Variants in POM121L12 observed in about 807,000 individuals in gnomAD.
The protein encoded by POM121L12 is POM121-like protein 12.
For missense variants in POM121L12, 553 were observed against 409.2 expected, an observed-to-expected ratio of 1.35 and a Z score of -3.03; for synonymous variants, 251 against 179.2, an observed-to-expected ratio of 1.40 and a Z score of -3.20.
chr7:53,035,891 A>C lies in POM121L12; in HGVS notation c.220A>C (p.Ser74Arg). The change falls in exon 1 of 1, where the codon AGC becomes CGC. Residue 74 changes from serine to arginine, a missense_variant. By Grantham distance (110) the Ser-to-Arg change is moderately radical. Transcript: ENST00000408890. ...CTTCCAGTGGGGGCGCCCGGTGCCC[A>C]GCACCCACCTCATCGAGGTGCGGCC... is the stretch of plus-strand genomic sequence containing the variant. ...QYFQWGRPVP[S>R]THLIEVRPTQ... The C allele has an allele frequency of 6.2e-7, 1 of 1,613,202 alleles. No homozygotes were observed. Among genetic ancestry groups the C allele is most frequent in the Non-Finnish European group, 8.5e-7 (1 of 1,179,802 alleles).
Position 53,036,120 on chromosome 7 carries a change from C to T in POM121L12, c.449C>T (p.Pro150Leu). 3 of 1,611,454 alleles carry T rather than the reference C, an allele frequency of 1.9e-6. No homozygotes were observed. The highest frequency in any genetic ancestry group is 2.5e-6 in the Non-Finnish European group (3 of 1,179,624). Residue 150 changes from proline to leucine, a missense_variant, in exon 1 of 1, where the codon CCC becomes CTC. Physicochemically the swap from Pro to Leu is moderately conservative, Grantham distance 98. Transcript: ENST00000408890. ...GCGCCCCCTGAGCGTCAGGAGAGCC[C>T]CTGGAGATCCCCTGGACAGAGAGCC... ...GIAPPERQES[P>L]WRSPGQRARP...
chr7:53,035,987 A>G lies in POM121L12; in HGVS notation c.316A>G (p.Thr106Ala). Residue 106 changes from threonine to alanine, a missense_variant, in exon 1 of 1, where the codon ACC (threonine) becomes GCC (alanine). Physicochemically the swap from Thr to Ala is moderately conservative, Grantham distance 58 (BLOSUM62 0). Transcript: ENST00000408890. ...GAGGCGCCCTGCCCTTCCCGGGGAG[A>G]CCGCTCTGGGGCGAGACCTCTCCTG... ...GWRRPALPGE[T>A]ALGRDLSCAW... is the part of the protein sequence containing the mutation. 6.2e-7 allele frequency: 1 copy of G among 1,612,580 alleles called. No individual in the cohort carries two copies. The highest frequency in any genetic ancestry group is 8.5e-7 in the Non-Finnish European group (1 of 1,179,554).
Position 53,036,330 on chromosome 7 carries a change from T to C in POM121L12, c.659T>C (p.Leu220Pro). ...LQPRPSAFKP[L>P]SKNGAVASFV... ...CCCCGGCCCTCTGCCTTCAAGCCCC[T>C]GAGCAAAAATGGAGCGGTTGCTTCC... The change falls in exon 1 of 1, where the codon CTG becomes CCG. Residue 220 changes from leucine (L) to proline (P), a missense_variant. Transcript: ENST00000408890. 1 of 1,613,972 alleles carries C rather than the reference T, an allele frequency of 6.2e-7. No homozygotes were observed. Among genetic ancestry groups the C allele is most frequent in the Non-Finnish European group, 8.5e-7 (1 of 1,179,982 alleles).
At position 53,036,145 on chromosome 7, in the gene POM121L12, C is replaced by A. The variant is rs1391743637; in HGVS notation, c.474C>A (p.Ala158=). ...ESPWRSPGQR[A]RPAGRPAAQE... ...CCTGGAGATCCCCTGGACAGAGAGC[C>A]CGCCCCGCAGGCCGCCCCGCCGCCC... Residue 158 remains alanine (A), a synonymous_variant, in exon 1 of 1, where the codon GCC becomes GCA. Coordinates refer to ENST00000408890, the MANE Select transcript of POM121L12 (RefSeq NM_182595.4). 1 of 1,610,590 alleles carries A rather than the reference C, an allele frequency of 6.2e-7. No homozygotes were observed. The highest frequency in any genetic ancestry group is 1.3e-5 in the African/African-American group (1 of 74,762).
In POM121L12 at chr7:53,036,869, T is replaced by C; in HGVS notation, c.*307T>C. 1 of 378,794 alleles carries C rather than the reference T, an allele frequency of 2.6e-6. No individual in the cohort carries two copies. Among genetic ancestry groups the C allele is most frequent in the Non-Finnish European group, 4.9e-6 (1 of 202,766 alleles). The allele number at this position is 378,794 out of a possible 1,614,324, so 23.5% of individuals were successfully genotyped here. A position where few individuals can be genotyped will look rare whatever the true frequency, so the allele number is the denominator to read the frequency against. On this transcript the variant is annotated 3_prime_UTR_variant, in exon 1 of 1. Transcript: ENST00000408890. ...TCTCCATGTCTCCCAGTTTGTATAG[T>C]TAAATTGTCCAGTTGTATAGTTAAA...
In POM121L12 at chr7:53,036,715, C is replaced by T; in HGVS notation, c.*153C>T. ...TCGTCTGCCCGCCCCCAGATCTTCC[C>T]TCTGTGCTCCCTGCCACCCCAGCAG... is the stretch of plus-strand genomic sequence containing the variant. On this transcript the variant is annotated 3_prime_UTR_variant, in exon 1 of 1. Coordinates refer to ENST00000408890, the MANE Select transcript of POM121L12 (RefSeq NM_182595.4). 1 of 801,844 alleles carries T rather than the reference C, an allele frequency of 1.2e-6. No homozygotes were observed. 49.7% of individuals were successfully genotyped at this position (801,844 alleles called of 1,614,324 possible). A position where few individuals can be genotyped will look rare whatever the true frequency, so the allele number is the denominator to read the frequency against.
Position 53,036,326 on chromosome 7 carries a change from C to T in POM121L12, c.655C>T (p.Pro219Ser). The part of the protein sequence containing the change: ...NLQPRPSAFK[P>S]LSKNGAVASF... ...GCAGCCCCGGCCCTCTGCCTTCAAG[C>T]CCCTGAGCAAAAATGGAGCGGTTGC... The change falls in exon 1 of 1, where the codon CCC (proline) becomes TCC (serine). Residue 219 changes from proline (P) to serine (S), a missense_variant. Coordinates refer to ENST00000408890, the MANE Select transcript of POM121L12 (RefSeq NM_182595.4). 6.2e-7 allele frequency: 1 copy of T among 1,614,062 alleles called. No homozygotes were observed. Among genetic ancestry groups the T allele is most frequent in the East Asian group, 2.2e-5 (1 of 44,854 alleles).
Position 53,036,237 on chromosome 7 carries a change from G to C in POM121L12, c.566G>C (p.Ser189Thr), listed in dbSNP as rs764320205. Residue 189 changes from serine (S) to threonine (T), a missense_variant, in exon 1 of 1, where the codon AGC (serine) becomes ACC (threonine). Transcript: ENST00000408890. ...LGALSQCPKGSARFDGPLWFE... is the reference protein window; with the variant it reads ...LGALSQCPKGTARFDGPLWFE... The stretch of plus-strand genomic sequence containing the variant: ...GCGCTCAGCCAGTGCCCCAAGGGAA[G>C]CGCTAGGTTCGACGGGCCGTTGTGG... The C allele has an allele frequency of 1.9e-5, 30 of 1,613,770 alleles. No individual in the cohort carries two copies. The highest frequency in any genetic ancestry group is 2.5e-5 in the Non-Finnish European group (29 of 1,179,956).
At position 53,036,327 on chromosome 7, in the gene POM121L12, C is replaced by G. The variant is rs202028880; in HGVS notation, c.656C>G (p.Pro219Arg). Residue 219 changes from proline (P) to arginine (R), a missense_variant, in exon 1 of 1, where the codon CCC becomes CGC. Coordinates refer to ENST00000408890, the MANE Select transcript of POM121L12 (RefSeq NM_182595.4). ...CAGCCCCGGCCCTCTGCCTTCAAGC[C>G]CCTGAGCAAAAATGGAGCGGTTGCT... The part of the protein sequence containing the change: ...NLQPRPSAFK[P>R]LSKNGAVASF... The G allele has an allele frequency of 4.7e-5, 76 of 1,614,062 alleles. No homozygotes were observed. The highest frequency in any genetic ancestry group is 6.7e-5 in the Admixed American group (4 of 60,028).
rs780329329 is a variant in POM121L12 at position 53,035,981 on chromosome 7, G to A, written c.310G>A (p.Gly104Arg). 1.2e-6 allele frequency: 2 copies of A among 1,612,384 alleles called. No individual in the cohort carries two copies. The highest frequency in any genetic ancestry group is 1.7e-6 in the Non-Finnish European group (2 of 1,179,376). ...GGGCTGGAGGCGCCCTGCCCTTCCC[G>A]GGGAGACCGCTCTGGGGCGAGACCT... ...SEGWRRPALP[G>R]ETALGRDLSC... Residue 104 changes from glycine to arginine, a missense_variant, in exon 1 of 1, where the codon GGG (glycine) becomes AGG (arginine). Physicochemically the swap from Gly to Arg is moderately radical, Grantham distance 125. Transcript: ENST00000408890.
chr7:53,036,331 G>A lies in POM121L12; in HGVS notation c.660G>A (p.Leu220=). ...LQPRPSAFKP[L]SKNGAVASFV... ...CCCGGCCCTCTGCCTTCAAGCCCCT[G>A]AGCAAAAATGGAGCGGTTGCTTCCT... The change falls in exon 1 of 1, where the codon CTG becomes CTA. Residue 220 remains leucine (L), a synonymous_variant. Transcript: ENST00000408890. The A allele has an allele frequency of 6.2e-7, 1 of 1,614,020 alleles. No homozygotes were observed. The highest frequency in any genetic ancestry group is 1.1e-5 in the South Asian group (1 of 91,082).
chr7:53,035,817 G>T lies in POM121L12; in HGVS notation c.146G>T (p.Arg49Leu). 6.2e-7 allele frequency: 1 copy of T among 1,613,684 alleles called. No homozygotes were observed. The highest frequency in any genetic ancestry group is 8.5e-7 in the Non-Finnish European group (1 of 1,179,858). The change falls in exon 1 of 1, where the codon CGC becomes CTC. Residue 49 changes from arginine to leucine, a missense_variant. By Grantham distance (102) the Arg-to-Leu change is moderately radical (BLOSUM62 -2). Coordinates refer to ENST00000408890, the MANE Select transcript of POM121L12 (RefSeq NM_182595.4). ...TPQTTPSPQGRQSPWPLRSLT... is the reference protein window; with the variant it reads ...TPQTTPSPQGLQSPWPLRSLT... ...CAGACCACGCCATCTCCCCAGGGTC[G>T]CCAGAGTCCCTGGCCCCTGAGGTCC...
In POM121L12 at chr7:53,036,788, C is replaced by G; in HGVS notation, c.*226C>G. The G allele has an allele frequency of 1.9e-6, 1 of 522,078 alleles. No homozygotes were observed. Among genetic ancestry groups the G allele is most frequent in the Non-Finnish European group, 3.4e-6 (1 of 289,908 alleles). The allele number at this position is 522,078 out of a possible 1,614,324, so 32.3% of individuals were successfully genotyped here. ...CTTCGCCCTGCTGGCCCTCTCCTCC[C>G]TGCCCTTCTTCCTGCCCTTCCTCTG... On this transcript the variant is annotated 3_prime_UTR_variant, in exon 1 of 1. Transcript: ENST00000408890.
Position 53,036,599 on chromosome 7 carries a change from G to A in POM121L12, c.*37G>A, listed in dbSNP as rs765061240. On this transcript the variant is annotated 3_prime_UTR_variant, in exon 1 of 1. Transcript: ENST00000408890. ...CTGCTACCCACCTCCGGAGACACAA[G>A]CCCACGTATCTACTTTCACTTGCTC... 3 of 1,556,134 alleles carry A rather than the reference G, an allele frequency of 1.9e-6. No individual in the cohort carries two copies. The highest frequency in any genetic ancestry group is 2.0e-5 in the Admixed American group (1 of 50,732).
In POM121L12 at chr7:53,036,611, A is replaced by C; in HGVS notation, c.*49A>C. 6.5e-7 allele frequency: 1 copy of C among 1,538,944 alleles called. No individual in the cohort carries two copies. Among genetic ancestry groups the C allele is most frequent in the Non-Finnish European group, 8.8e-7 (1 of 1,142,184 alleles). On this transcript the variant is annotated 3_prime_UTR_variant, in exon 1 of 1. Transcript: ENST00000408890. ...TCCGGAGACACAAGCCCACGTATCTACTTTCACTTGCTCATCCTTGCTCTA... is the reference window on the plus strand; with the variant it reads ...TCCGGAGACACAAGCCCACGTATCTCCTTTCACTTGCTCATCCTTGCTCTA...
Position 53,035,692 on chromosome 7 carries a change from C to A in POM121L12, c.21C>A (p.Ala7=). Residue 7 remains alanine (A), a synonymous_variant, in exon 1 of 1, where the codon GCC becomes GCA. Coordinates refer to ENST00000408890, the MANE Select transcript of POM121L12 (RefSeq NM_182595.4). MGAAAP[A]ESADLGNFWK... ...CAGCCATGGGCGCTGCAGCTCCGGC[C>A]GAGTCCGCAGACCTCGGGAACTTCT... 6.3e-7 allele frequency: 1 copy of A among 1,595,198 alleles called. No individual in the cohort carries two copies. Among genetic ancestry groups the A allele is most frequent in the African/African-American group, 1.3e-5 (1 of 74,392 alleles).
Position 53,036,158 on chromosome 7 carries a change from C to A in POM121L12, c.487C>A (p.Arg163Ser), listed in dbSNP as rs541507226. The A allele has an allele frequency of 1.9e-6, 3 of 1,608,764 alleles. No individual in the cohort carries two copies. The highest frequency in any genetic ancestry group is 2.5e-6 in the Non-Finnish European group (3 of 1,178,898). ...TGGACAGAGAGCCCGCCCCGCAGGCCGCCCCGCCGCCCAGGAGCTCCTGGA... is the reference window on the plus strand; with the variant it reads ...TGGACAGAGAGCCCGCCCCGCAGGCAGCCCCGCCGCCCAGGAGCTCCTGGA... ...SPGQRARPAG[R>S]PAAQELLDPC... Residue 163 changes from arginine (R) to serine (S), a missense_variant, in exon 1 of 1, where the codon CGC (arginine) becomes AGC (serine). By Grantham distance (110) the Arg-to-Ser change is moderately radical (BLOSUM62 -1). Coordinates refer to ENST00000408890, the MANE Select transcript of POM121L12 (RefSeq NM_182595.4).
rs1787567076 is a variant in POM121L12 at position 53,036,638 on chromosome 7, C to T, written c.*76C>T. ...TTTCACTTGCTCATCCTTGCTCTACCTCAACGTGGGGCCCTGACACCACGT... is the reference window on the plus strand; with the variant it reads ...TTTCACTTGCTCATCCTTGCTCTACTTCAACGTGGGGCCCTGACACCACGT... On this transcript the variant is annotated 3_prime_UTR_variant, in exon 1 of 1. Coordinates refer to ENST00000408890, the MANE Select transcript of POM121L12 (RefSeq NM_182595.4). 6.8e-7 allele frequency: 1 copy of T among 1,476,556 alleles called. No homozygotes were observed. The highest frequency in any genetic ancestry group is 1.3e-5 in the South Asian group (1 of 75,532). 91.5% of individuals were successfully genotyped at this position (1,476,556 alleles called of 1,614,324 possible).
Position 53,036,554 on chromosome 7 carries a change from G to T in POM121L12, c.883G>T (p.Gly295Cys), listed in dbSNP as rs1277248728. 2.5e-6 allele frequency: 4 copies of T among 1,604,534 alleles called. No individual in the cohort carries two copies. The highest frequency in any genetic ancestry group is 3.4e-6 in the Non-Finnish European group (4 of 1,175,484). ...LEVTQSAGPF[G>C]S Reference sequence around the variant, plus strand: ...GGTCACCCAGTCTGCTGGCCCCTTTGGCTCCTAAGAATCTGGGCTCTGCTA... The same window carrying T: ...GGTCACCCAGTCTGCTGGCCCCTTTTGCTCCTAAGAATCTGGGCTCTGCTA... Residue 295 changes from glycine to cysteine, a missense_variant, in exon 1 of 1, where the codon GGC becomes TGC. Transcript: ENST00000408890.
Sources: gnomAD v4.1 joint callset for allele counts on GRCh38, gnomAD v4.1.1 for gene constraint, MANE v1.5 for transcripts, NCBI Gene and HGNC (gene_info 2026-07-23, HGNC 2026-07-21) for gene names.